Variants in TNK2 observed in about 807,000 individuals in gnomAD.
The protein encoded by TNK2 is tyrosine kinase non receptor 2.
Under a neutral mutation model 101.8 loss-of-function variants are expected in TNK2, and 83 were observed. The observed-to-expected ratio is 0.82, with a 90% CI of 0.68 to 0.98. The LOEUF (loss-of-function observed/expected upper bound fraction) is 0.98, where lower values mean the gene tolerates loss of function less well. TNK2 is among the 50% of genes least tolerant of loss of function. TNK2 has a pLI of 0.00. For synonymous variants in TNK2, 804 were observed against 633.0 expected (o/e 1.27, Z -4.06); for missense variants, 1,665 against 1,483.2 (o/e 1.12, Z -2.01).
rs145536913 is a variant in TNK2 at position 195,868,687 on chromosome 3, G to A, written c.1611C>T (p.Ser537=). The change falls in exon 13 of 16, where the codon AGC becomes AGT. Residue 537 remains serine (S), a synonymous_variant. Transcript: ENST00000672887. ...FTQKPTYDPV[S]EDQDPLSSDF... ...CGCTGGACAAGGGGTCTTGGTCCTC[G>A]CTCACAGGGTCATAGGTTGGTTCTG... The A allele has an allele frequency of 2.2e-4, 357 of 1,589,822 alleles. 1 individual carries two copies. The African/African-American group carries it at 2.8e-3, about 13-fold the overall frequency.
intron 9 of TNK2, among the ~76,000 whole-genome samples, chr3:195,877,586 TG>T (rs1243243888): frequency 6.6e-6 from 1 of 152,174 alleles, no homozygotes; most frequent in African/African-American, 2.4e-5. Context: ...AAACCTGCCC[TG>T]CCCCAGCCAG....
At chr3:195,905,223 G>A (rs958466906) in intron 1 of TNK2, among the ~76,000 whole-genome samples, 1 of 151,930 alleles carries the variant, frequency 6.6e-6, no homozygotes, top group African/African-American at 2.4e-5. Flanking sequence ...TTTTTGAGAT[G>A]GAGTCTCACA....
chr3:195,865,673 T>C (rs1576973621), intron 15 of TNK2, among the ~76,000 whole-genome samples: 1 of 147,188 alleles, frequency 6.8e-6, no homozygotes, highest in Non-Finnish European at 1.5e-5. Flanking sequence ...AGTGCCTGCG[T>C]CCCAGGTGCA....
chr3:195,869,851 C>G (rs574509985), intron 11 of TNK2: 21 of 559,448 alleles, frequency 3.8e-5, no homozygotes, highest in African/African-American at 3.6e-4. Context: ...AGGATCTGAG[C>G]TCGGCCGTGG....
chr3:195,886,948 C>T lies in TNK2; in HGVS notation c.234+29G>A. The T allele has an allele frequency of 6.5e-7, 1 of 1,549,346 alleles. No individual in the cohort carries two copies. The highest frequency in any genetic ancestry group is 8.9e-7 in the Non-Finnish European group (1 of 1,124,794). ...GGGGGGCGTTCGAGGCTGCCCCCCTCCCACCTCCTCACCCACCTCCTCACC... is the reference window on the plus strand; with the variant it reads ...GGGGGGCGTTCGAGGCTGCCCCCCTTCCACCTCCTCACCCACCTCCTCACC... On this transcript the variant is annotated intron_variant, in intron 3 of 15. Coordinates refer to ENST00000672887, the MANE Select transcript of TNK2 (RefSeq NM_001382273.1). This position sits in a 1 kb window ranked among gnomAD's most constrained non-coding sequence, Gnocchi z 4.2.
At position 195,881,483 on chromosome 3, in the gene TNK2, AC is replaced by A. The variant is rs1316493057; in HGVS notation, c.887+567del. Reference sequence around the variant, plus strand: ...AGGACACAGGATCTGTCCCTCTAACACCCCCCCCAGCAACGCCCCTTGGAGA... The same window carrying A: ...AGGACACAGGATCTGTCCCTCTAACACCCCCCCAGCAACGCCCCTTGGAGA... On this transcript the variant is annotated intron_variant, in intron 6 of 15. Coordinates refer to ENST00000672887, the MANE Select transcript of TNK2 (RefSeq NM_001382273.1). Among the ~76,000 whole-genome samples the A allele has an allele frequency of 3.3e-4, 11 of 33,390 alleles. No individual in the cohort carries two copies. The East Asian group carries it at 3.3e-3, about 10-fold the overall frequency. The allele number at this position is 33,390 out of a possible 152,430, so 21.9% of individuals were successfully genotyped here.
intron 1 of TNK2, chr3:195,895,668 C>T (rs1161027403): frequency 1.8e-6 from 2 of 1,121,718 alleles, no homozygotes; most frequent in Non-Finnish European, 2.3e-6. Context: ...CCGGGCTCCA[C>T]TCAGCCCTCA....
At chr3:195,904,723 T>C (rs1365879915) in intron 1 of TNK2, among the ~76,000 whole-genome samples, 1 of 152,138 alleles carries the variant, frequency 6.6e-6, no homozygotes, top group Non-Finnish European at 1.5e-5. Context: ...AAAAAACCAA[T>C]ACTACCAGGA....
intron 10 of TNK2, among the ~76,000 whole-genome samples, chr3:195,871,186 C>T (rs1745042877): frequency 7.0e-6 from 1 of 142,872 alleles, no homozygotes; most frequent in Non-Finnish European, 1.5e-5. Context: ...AGGCCTGGCG[C>T]AAGAAGCTTC....
chr3:195,868,496 G>A lies in TNK2; in HGVS notation c.1802C>T (p.Ala601Val), dbSNP rs965411369. 1.4e-5 allele frequency: 21 copies of A among 1,550,422 alleles called. No individual in the cohort carries two copies. Among genetic ancestry groups the A allele is most frequent in the East Asian group, 2.3e-5 (1 of 42,946 alleles). Residue 601 changes from alanine to valine, a missense_variant, in exon 13 of 16, where the codon GCG (alanine) becomes GTG (valine). Ala to Val is a moderately conservative substitution (Grantham distance 64). Transcript: ENST00000672887. ...EPVVPALRPC[A>V]PSLAQLAMDA... ...CATGGCCAGCTGCGCCAGGGAGGGCGCGCAGGGCCGTAGGGCCGGGACCAC... is the reference window on the plus strand; with the variant it reads ...CATGGCCAGCTGCGCCAGGGAGGGCACGCAGGGCCGTAGGGCCGGGACCAC...
chr3:195,903,152 C>G (rs1761393967), intron 1 of TNK2, among the ~76,000 whole-genome samples: 1 of 151,766 alleles, frequency 6.6e-6, no homozygotes, highest in Non-Finnish European at 1.5e-5. Flanking sequence ...GCAATTCTCC[C>G]ACCTCAGCCT....
intron 1 of TNK2, among the ~76,000 whole-genome samples, chr3:195,905,984 A>C (rs1272598188): frequency 1.3e-5 from 2 of 152,228 alleles, no homozygotes; most frequent in Non-Finnish European, 2.9e-5. Flanking sequence ...CTCAACACGA[A>C]AAACCCTACA....
In TNK2 at chr3:195,864,047, G is replaced by T; in HGVS notation, c.*134C>A. ...AGGGCTCCCAGCCTCCCGCAGCCTT[G>T]GCCTTGCTCCATCCCCGGGAGCAGC... is the stretch of plus-strand genomic sequence containing the variant. On this transcript the variant is annotated 3_prime_UTR_variant, in exon 16 of 16. Coordinates refer to ENST00000672887, the MANE Select transcript of TNK2 (RefSeq NM_001382273.1). The T allele has an allele frequency of 2.4e-6, 3 of 1,225,920 alleles. No individual in the cohort carries two copies. The highest frequency in any genetic ancestry group is 3.5e-6 in the Non-Finnish European group (3 of 852,236). 75.9% of individuals were successfully genotyped at this position (1,225,920 alleles called of 1,614,324 possible).
At chr3:195,895,681 C>G in intron 1 of TNK2, 1 of 1,061,068 alleles carries the variant, frequency 9.4e-7, no homozygotes, top group Non-Finnish European at 1.2e-6. Flanking sequence ...AGCCCTCAGC[C>G]CGCCTCCAGG....
At chr3:195,895,987 C>A (rs537103070) in intron 1 of TNK2, 65 of 342,280 alleles carry the variant, frequency 1.9e-4, no homozygotes, top group African/African-American at 1.3e-3. Context: ...CCGAGGCCCC[C>A]GCGGCCGGTT....
chr3:195,869,086 G>C, intron 12 of TNK2: 3 of 473,502 alleles, frequency 6.3e-6, no homozygotes, highest in Non-Finnish European at 1.1e-5. Context: ...CACACCATTA[G>C]TGCAGGCACG....
At position 195,868,541 on chromosome 3, in the gene TNK2, A is replaced by G; in HGVS notation, c.1757T>C (p.Ile586Thr). The change falls in exon 13 of 16, where the codon ATC becomes ACC. Residue 586 changes from isoleucine (I) to threonine (T), a missense_variant. Physicochemically the swap from Ile to Thr is moderately conservative, Grantham distance 89. Coordinates refer to ENST00000672887, the MANE Select transcript of TNK2 (RefSeq NM_001382273.1). ...GACCACGGGCTCCTCACCGAAGTCG[A>G]TGAGCGTGACCTCAGCCCCGCTGCC... ...SRGSGAEVTLIDFGEEPVVPA... is the reference protein window; with the variant it reads ...SRGSGAEVTLTDFGEEPVVPA... 1 of 1,567,742 alleles carries G rather than the reference A, an allele frequency of 6.4e-7. No individual in the cohort carries two copies. Among genetic ancestry groups the G allele is most frequent in the Non-Finnish European group, 8.6e-7 (1 of 1,165,586 alleles).
intron 1 of TNK2, among the ~76,000 whole-genome samples, chr3:195,902,884 G>A (rs1414057466): frequency 6.6e-6 from 1 of 151,674 alleles, no homozygotes; most frequent in Non-Finnish European, 1.5e-5. Context: ...CAAGTAGCTG[G>A]AATTACATGA....
chr3:195,864,149 T>G lies in TNK2; in HGVS notation c.*32A>C, dbSNP rs112362099. ...GGACGGACAGGCTCAGGTGATTCCT[T>G]CAGGCAGGCCCTCTGGCTCTCCAGA... On this transcript the variant is annotated 3_prime_UTR_variant, in exon 16 of 16. Coordinates refer to ENST00000672887, the MANE Select transcript of TNK2 (RefSeq NM_001382273.1). The G allele has an allele frequency of 0.011, 17,036 of 1,613,774 alleles. 104 individuals are homozygous for G. Among genetic ancestry groups the G allele is most frequent in the Non-Finnish European group, 0.013 (15,525 of 1,179,814 alleles).
Sources: gnomAD v4.1 joint callset for allele counts (sites outside exome capture counted in the v4.1 genomes callset) on GRCh38, gnomAD v4.1.1 for gene constraint, Gnocchi (gnomAD v3.1) non-coding constraint, MANE v1.5 for transcripts, NCBI Gene and HGNC (gene_info 2026-07-23, HGNC 2026-07-21) for gene names.